DNAAF9: variants seen among roughly 807,000 people sequenced by gnomAD.
DNAAF9 encodes the protein shulin.
In DNAAF9, 90 loss-of-function variants were observed where a neutral mutation model predicts 167.0. That is an observed-to-expected ratio of 0.54 (90% CI 0.45 to 0.64). DNAAF9 has a LOEUF of 0.64. Ranked by LOEUF, DNAAF9 falls within the 30% of genes least tolerant of loss-of-function variation. The pLI is 0.00. For missense variants in DNAAF9, 1,315 were observed against 1,442.2 expected, an observed-to-expected ratio of 0.91 and a Z score of 1.43; for synonymous variants, 491 against 508.8, an observed-to-expected ratio of 0.96 and a Z score of 0.47.
At chr20:3,295,975 T>C (rs2069068940) in intron 23 of DNAAF9, 2 of 1,582,582 alleles carry the variant, frequency 1.3e-6, no homozygotes, top group East Asian at 4.5e-5. Flanking sequence ...TGGTCAGGCA[T>C]TTCACTTTGG....
rs1359040056 is a variant in DNAAF9 at position 3,252,809 on chromosome 20, G to GGAACCTCTCTATGTATATACAAA, written c.3422-126_3422-125insTTTGTATATACATAGAGAGGTTC. 3.3e-4 allele frequency: 220 copies of GGAACCTCTCTATGTATATACAAA among 673,952 alleles called. 1 individual carries two copies. The highest frequency in any genetic ancestry group is 2.6e-3 in the African/African-American group (145 of 56,028). The allele number at this position is 673,952 out of a possible 1,614,324, so 41.7% of individuals were successfully genotyped here. On this transcript the variant is annotated intron_variant, in intron 36 of 36. Transcript: ENST00000252032. ...AAGTGAGTGTCTGGCCCATAGAGAG[G>GGAACCTCTCTATGTATATACAAA]GAACCTGATGGACTCTTTGTATATA...
rs751818329 is a variant in DNAAF9, at chr20:3,260,009, C to T, written c.2893G>A (p.Ala965Thr). ...YPGWYEGKLN[A>T]GSVYPLMVQI... is the part of the protein sequence containing the mutation. ...ACCATTAGGGGATAGACTGATCCAGCATTCAATTTACCTTCATACCTTAAA... is the reference window on the plus strand; with the variant it reads ...ACCATTAGGGGATAGACTGATCCAGTATTCAATTTACCTTCATACCTTAAA... Residue 965 changes from alanine to threonine, a missense_variant, in exon 32 of 37, where the codon GCT (alanine) becomes ACT (threonine). Ala to Thr is a moderately conservative substitution (Grantham distance 58). This residue lies in a region of DNAAF9 where 334 missense variants were observed against 429.7 expected (regional missense o/e 0.78). Transcript: ENST00000252032. 2.5e-6 allele frequency: 4 copies of T among 1,609,618 alleles called. No homozygotes were observed. The highest frequency in any genetic ancestry group is 3.4e-6 in the Non-Finnish European group (4 of 1,175,828).
At chr20:3,374,965 G>T in intron 5 of DNAAF9, 65 bp downstream of exon 5, 1 of 835,418 alleles carries the variant, frequency 1.2e-6, no homozygotes, top group Non-Finnish European at 2.0e-6. Context: ...GAAAGGAAAA[G>T]TAGTGACGTT....
chr20:3,328,925 A>G (rs2069767639), intron 12 of DNAAF9, among the ~76,000 whole-genome samples: 2 of 144,682 alleles, frequency 1.4e-5, no homozygotes, highest in African/African-American at 5.2e-5. Context: ...GCTAGAGTGC[A>G]GTGGCGCTAT....
chr20:3,340,957 G>A (rs1233553424), intron 9 of DNAAF9, among the ~76,000 whole-genome samples: 9 of 152,032 alleles, frequency 5.9e-5, no homozygotes, highest in Non-Finnish European at 1.2e-4. Flanking sequence ...GCAAAACTCC[G>A]GTATTATAAA....
intron 8 of DNAAF9, among the ~76,000 whole-genome samples, chr20:3,345,824 C>A (rs2070181754): frequency 6.6e-6 from 1 of 151,842 alleles, no homozygotes; most frequent in East Asian, 1.9e-4. Flanking sequence ...GCTAATAGCC[C>A]AATTATATAA....
chr20:3,296,432 C>T (rs1458437194), intron 23 of DNAAF9: 2 of 315,216 alleles, frequency 6.3e-6, no homozygotes, highest in South Asian at 3.0e-5. Flanking sequence ...GGCTGAAGTG[C>T]AATGGCATGG....
intron 30 of DNAAF9, among the ~76,000 whole-genome samples, chr20:3,265,851 T>C (rs1307660859): frequency 2.0e-5 from 3 of 151,740 alleles, no homozygotes; most frequent in Admixed American, 2.0e-4. Flanking sequence ...CTAATTTTTG[T>C]ATTTTTTAAA....
chr20:3,400,293 T>C (rs950043484), intron 1 of DNAAF9, among the ~76,000 whole-genome samples: 1 of 152,136 alleles, frequency 6.6e-6, no homozygotes, highest in Admixed American at 6.6e-5. Flanking sequence ...AAAAAGAATG[T>C]GTGGAGAAAC....
rs1568584660 is a variant in DNAAF9, at chr20:3,294,221, T to C, written c.2156A>G (p.Gln719Arg). ...LQHFAISSIS[Q>R]EPVMRTHLPV... ...AAGATGGGTCCGCATCACAGGCTCC[T>C]GGCTAATGCTGCTGATGGCGAAATG... The change falls in exon 25 of 37, where the codon CAG becomes CGG. Residue 719 changes from glutamine (Q) to arginine (R), a missense_variant. Physicochemically the swap from Gln to Arg is conservative, Grantham distance 43 (BLOSUM62 1). Transcript: ENST00000252032. The C allele has an allele frequency of 1.2e-6, 2 of 1,612,934 alleles. No homozygotes were observed. Among genetic ancestry groups the C allele is most frequent in the Admixed American group, 1.7e-5 (1 of 60,006 alleles).
intron 30 of DNAAF9, among the ~76,000 whole-genome samples, chr20:3,268,195 A>AT (rs1223442216): frequency 1.3e-5 from 2 of 151,308 alleles, no homozygotes; most frequent in African/African-American, 2.4e-5. Flanking sequence ...CGCCTGGCCA[A>AT]TTTTTTGTAT....
intron 21 of DNAAF9, among the ~76,000 whole-genome samples, chr20:3,304,164 G>A (rs1236273155): frequency 6.6e-6 from 1 of 152,176 alleles, no homozygotes; most frequent in Non-Finnish European, 1.5e-5. Flanking sequence ...CCTCTTTAGG[G>A]TGAATGAATT....
At position 3,264,497 on chromosome 20, in the gene DNAAF9, T is replaced by C; in HGVS notation, c.2814A>G (p.Ser938=). 6.4e-7 allele frequency: 1 copy of C among 1,557,274 alleles called. No homozygotes were observed. The highest frequency in any genetic ancestry group is 8.9e-7 in the Non-Finnish European group (1 of 1,128,214). The change falls in exon 31 of 37, where the codon TCA becomes TCG. Residue 938 remains serine (S), a synonymous_variant. Coordinates refer to ENST00000252032, the MANE Select transcript of DNAAF9 (RefSeq NM_001009984.3). ...TRNEDIELIL[S]ENSFSSPEML... ...TCTCAGGACTTGAAAAACTGTTTTC[T>C]GAGAGAATCAGCTCAATGTCTTCAT...
chr20:3,260,647 T>G (rs76706057), intron 31 of DNAAF9, among the ~76,000 whole-genome samples: 4 of 152,136 alleles, frequency 2.6e-5, no homozygotes, highest in Non-Finnish European at 4.4e-5. Context: ...TCTTTTTTTT[T>G]GAGACAAGGT....
intron 21 of DNAAF9, among the ~76,000 whole-genome samples, chr20:3,301,194 T>C (rs1415845210): frequency 7.3e-6 from 1 of 137,460 alleles, no homozygotes; most frequent in African/African-American, 2.7e-5. Context: ...TTTTTTTTTT[T>C]TTCTTTTTTT....
intron 26 of DNAAF9, among the ~76,000 whole-genome samples, chr20:3,289,178 C>T (rs1431302079): frequency 6.6e-6 from 1 of 152,170 alleles, no homozygotes; most frequent in Non-Finnish European, 1.5e-5. Flanking sequence ...AAAACCCCAC[C>T]TCTAAAAGCT....
At chr20:3,296,047 G>A in intron 23 of DNAAF9, 1 of 901,790 alleles carries the variant, frequency 1.1e-6, no homozygotes, top group Non-Finnish European at 1.9e-6. Flanking sequence ...CACCCTGGTA[G>A]TAACCCTCAT....
rs184555325 is a variant in DNAAF9 at position 3,369,565 on chromosome 20, G to A, written c.612+4483C>T. On this transcript the variant is annotated intron_variant, in intron 6 of 36. Transcript: ENST00000252032. ...CTACTTTTCTATTTTTAGTAGAGACGGGGGTCTCGCTGTGTTGACCGAGCT... is the reference window on the plus strand; with the variant it reads ...CTACTTTTCTATTTTTAGTAGAGACAGGGGTCTCGCTGTGTTGACCGAGCT... Among the ~76,000 whole-genome samples, 368 of 152,072 alleles carry A rather than the reference G, an allele frequency of 2.4e-3. 1 individual carries two copies. Among genetic ancestry groups the A allele is most frequent in the African/African-American group, 8.4e-3 (347 of 41,488 alleles).
chr20:3,363,802 T>C (rs2083396229), intron 6 of DNAAF9, among the ~76,000 whole-genome samples: 1 of 152,226 alleles, frequency 6.6e-6, no homozygotes, highest in South Asian at 2.1e-4. Flanking sequence ...TAGTTTCTAC[T>C]GCTATGGCTT....
Sources: allele counts gnomAD v4.1 joint callset (sites outside exome capture counted in the v4.1 genomes callset), GRCh38; gene constraint gnomAD v4.1.1; regional missense constraint gnomAD v4.1.1; transcripts MANE v1.5; gene names NCBI Gene and HGNC (gene_info 2026-07-23, HGNC 2026-07-21).